Variants in USP24 observed in about 807,000 individuals in gnomAD.
The protein encoded by USP24 is ubiquitin carboxyl-terminal hydrolase 24.
In USP24, 97 loss-of-function variants were observed where a neutral mutation model predicts 361.6. That is an observed-to-expected ratio of 0.27 (90% CI 0.23 to 0.32). The LOEUF (loss-of-function observed/expected upper bound fraction) is 0.32. USP24 is among the 10% of genes least tolerant of loss of function. The probability of loss-of-function intolerance (pLI) is 1.00; values close to 1 mark genes in which losing one functional copy is unlikely to be tolerated. For missense variants in USP24, 2,353 were observed against 3,165.6 expected, an observed-to-expected ratio of 0.74 and a Z score of 6.16; for synonymous variants, 1,098 against 1,124.6, an observed-to-expected ratio of 0.98 and a Z score of 0.47.
At chr1:55,095,114 G>T (rs1172612025) in intron 51 of USP24, 141 bp downstream of exon 51, 19 of 1,024,006 alleles carry the variant, frequency 1.9e-5, no homozygotes, top group Non-Finnish European at 2.4e-5. Context: ...AGCAATAAGG[G>T]ATTTATTTTC....
Position 55,120,681 on chromosome 1 carries a change from G to A in USP24, c.4423C>T (p.Pro1475Ser), listed in dbSNP as rs1431284975. The part of the protein sequence containing the change: ...DTSAHPDVQK[P>S]NQFLLGVILT... ...ATTACGCCTAGAAGAAACTGATTTG[G>A]CTTCTGCACATCTGGATGCGCTGAT... is the stretch of plus-strand genomic sequence containing the variant. The change falls in exon 38 of 68, where the codon CCA becomes TCA. Residue 1475 changes from proline (P) to serine (S), a missense_variant. Physicochemically the swap from Pro to Ser is moderately conservative, Grantham distance 74 (BLOSUM62 -1). This residue lies in a region of USP24 where 949 missense variants were observed against 1,280.5 expected (regional missense o/e 0.74). Coordinates refer to ENST00000294383, the MANE Select transcript of USP24 (RefSeq NM_015306.3). 2.5e-6 allele frequency: 4 copies of A among 1,568,864 alleles called. No individual in the cohort carries two copies. Among genetic ancestry groups the A allele is most frequent in the Non-Finnish European group, 2.6e-6 (3 of 1,155,672 alleles).
intron 40 of USP24, 148 bp downstream of exon 40, chr1:55,107,091 A>G (rs1441310876): frequency 2.3e-6 from 2 of 885,648 alleles, no homozygotes; most frequent in Non-Finnish European, 1.6e-6. Flanking sequence ...TTTGTTAGCC[A>G]CTAAAATAAC....
At chr1:55,122,317 T>C (rs143370722) in intron 36 of USP24, among the ~76,000 whole-genome samples, 4 of 152,240 alleles carry the variant, frequency 2.6e-5, no homozygotes, top group Non-Finnish European at 4.4e-5. Context: ...GAATGTATGC[T>C]GGCTGCTGGG....
intron 1 of USP24, among the ~76,000 whole-genome samples, chr1:55,184,576 C>T (rs1011561282): frequency 1.3e-5 from 2 of 152,008 alleles, no homozygotes; most frequent in Non-Finnish European, 2.9e-5. Flanking sequence ...CACTATAAAC[C>T]AAATAGACCT....
In USP24 at chr1:55,066,972, G is replaced by A. The variant is rs1644834686; in HGVS notation, c.*2073C>T. The A allele has an allele frequency of 6.6e-6, 1 of 152,104 alleles. No individual in the cohort carries two copies. Among genetic ancestry groups the A allele is most frequent in the African/African-American group, 2.4e-5 (1 of 41,396 alleles). 9.4% of individuals were successfully genotyped at this position (152,104 alleles called of 1,614,324 possible). A position where few individuals can be genotyped will look rare whatever the true frequency, so the allele number is the denominator to read the frequency against. ...ATTGACTGTAGCTGTCAGCAATCAA[G>A]TGGTTACCAGCAAAGTGAAAACGAT... On this transcript the variant is annotated 3_prime_UTR_variant, in exon 68 of 68. Transcript: ENST00000294383.
chr1:55,193,274 A>G (rs1413630058), intron 1 of USP24, among the ~76,000 whole-genome samples: 1 of 152,136 alleles, frequency 6.6e-6, no homozygotes, highest in East Asian at 1.9e-4. Flanking sequence ...AAGGGATTTG[A>G]GCATTTCGGT....
chr1:55,106,682 T>TA (rs1323263813), intron 40 of USP24, among the ~76,000 whole-genome samples: 1 of 152,238 alleles, frequency 6.6e-6, no homozygotes, highest in Non-Finnish European at 1.5e-5. Flanking sequence ...TCTCTCTGGT[T>TA]AAGAATCACT....
At chr1:55,206,996 A>G (rs1000016326) in intron 1 of USP24, among the ~76,000 whole-genome samples, 12 of 152,078 alleles carry the variant, frequency 7.9e-5, no homozygotes, top group South Asian at 2.1e-4. Flanking sequence ...GCGAAACCCT[A>G]TATCTACAAA....
Position 55,071,849 on chromosome 1 carries a change from G to A in USP24, c.7765C>T (p.Pro2589Ser). 6 of 1,613,432 alleles carry A rather than the reference G, an allele frequency of 3.7e-6. No homozygotes were observed. Among genetic ancestry groups the A allele is most frequent in the Non-Finnish European group, 5.1e-6 (6 of 1,179,762 alleles). ...SGSSNGSESS[P>S]ANENGDRHLQ... ...TGCCTGTCTCCGTTCTCATTGGCAG[G>A]ACTACTCTCCGACCCATTACTGCTT... Residue 2589 changes from proline to serine, a missense_variant, in exon 67 of 68, where the codon CCT becomes TCT. Pro to Ser is a moderately conservative substitution (Grantham distance 74). Coordinates refer to ENST00000294383, the MANE Select transcript of USP24 (RefSeq NM_015306.3).
At chr1:55,086,733 G>A (rs1160309734) in intron 55 of USP24, among the ~76,000 whole-genome samples, 2 of 152,166 alleles carry the variant, frequency 1.3e-5, no homozygotes, top group Admixed American at 6.5e-5. Flanking sequence ...AAAATTTATT[G>A]TGAAATGATA....
rs909762638 is a variant in USP24 at position 55,124,606 on chromosome 1, G to C, written c.3983C>G (p.Thr1328Ser). ...TCTCATGAAGCAAGCCACAGTAGAAGTGAAATCACTTACTTCCATTGTCTA... is the reference window on the plus strand; with the variant it reads ...TCTCATGAAGCAAGCCACAGTAGAACTGAAATCACTTACTTCCATTGTCTA... Reference protein sequence around the residue: ...AIQTMEVSDFTSTVACFMRLS... With the variant: ...AIQTMEVSDFSSTVACFMRLS... The change falls in exon 35 of 68, where the codon ACT becomes AGT. Residue 1328 changes from threonine (T) to serine (S), a missense_variant. Coordinates refer to ENST00000294383, the MANE Select transcript of USP24 (RefSeq NM_015306.3). 20 of 1,613,828 alleles carry C rather than the reference G, an allele frequency of 1.2e-5. No individual in the cohort carries two copies. Among genetic ancestry groups the C allele is most frequent in the Non-Finnish European group, 1.6e-5 (19 of 1,179,892 alleles).
At chr1:55,097,314 CA>C in intron 48 of USP24, 142 bp from the exon 49 acceptor site, 1 of 1,130,708 alleles carries the variant, frequency 8.8e-7, no homozygotes, top group Non-Finnish European at 1.2e-6. Flanking sequence ...TATAAAATCT[CA>C]GAAATGTTAA....
At chr1:55,168,926 A>G (rs1649170091) in intron 5 of USP24, among the ~76,000 whole-genome samples, 1 of 152,152 alleles carries the variant, frequency 6.6e-6, no homozygotes, top group Non-Finnish European at 1.5e-5. Context: ...ATTAAATGCT[A>G]AGAAATATGA....
chr1:55,110,494 T>C (rs1645917720), intron 38 of USP24, among the ~76,000 whole-genome samples: 1 of 152,302 alleles, frequency 6.6e-6, no homozygotes, highest in African/African-American at 2.4e-5. Flanking sequence ...AAATAATATA[T>C]GCACTGATTG....
chr1:55,176,577 T>C (rs1448866290), intron 2 of USP24, 134 bp from the exon 3 acceptor site: 1 of 765,570 alleles, frequency 1.3e-6, no homozygotes, highest in Non-Finnish European at 2.1e-6. Context: ...TCTAAATCCA[T>C]ACATATGGAA....
At position 55,101,343 on chromosome 1, in the gene USP24, T is replaced by C. The variant is rs565419091; in HGVS notation, c.5145+241A>G. Reference sequence around the variant, plus strand: ...ATGGAATATAATTTAAAAACAACTTTGGAGTTCAAAAATCACATTAGGTCA... The same window carrying C: ...ATGGAATATAATTTAAAAACAACTTCGGAGTTCAAAAATCACATTAGGTCA... On this transcript the variant is annotated intron_variant, in intron 43 of 67. Transcript: ENST00000294383. 2.6e-4 allele frequency among the ~76,000 whole-genome samples: 39 copies of C among 152,328 alleles called. No homozygotes were observed. In the South Asian group the frequency reaches 7.9e-3, roughly 31 times the overall value.
chr1:55,129,005 C>T (rs962302550), intron 32 of USP24, among the ~76,000 whole-genome samples: 1 of 152,146 alleles, frequency 6.6e-6, no homozygotes, highest in Non-Finnish European at 1.5e-5. Context: ...CAGGCATGAA[C>T]CACCATGCCT....
rs372304609 is a variant in USP24 at position 55,138,595 on chromosome 1, A to G, written c.2928+13T>C. The G allele has an allele frequency of 2.9e-4, 450 of 1,574,704 alleles. No individual in the cohort carries two copies. The highest frequency in any genetic ancestry group is 3.6e-4 in the Non-Finnish European group (416 of 1,148,924). ...CAACATGAAAATGGCTGTAGTTCTT[A>G]ATGTAAACCTACCTCGACAGTGAAG... On this transcript the variant is annotated intron_variant, in intron 26 of 67. Transcript: ENST00000294383.
chr1:55,078,470 A>T lies in USP24; in HGVS notation c.7314+68T>A. On this transcript the variant is annotated intron_variant, in intron 61 of 67. Transcript: ENST00000294383. ...GAGAACAAGCATACTGCCTTGGAGC[A>T]AAAAGATGCTCTCCTAGAGTCTCAC... 10 of 1,305,668 alleles carry T rather than the reference A, an allele frequency of 7.7e-6. 1 individual carries two copies. In the South Asian group the frequency reaches 1.5e-4, roughly 19 times the overall value. 80.9% of individuals were successfully genotyped at this position (1,305,668 alleles called of 1,614,324 possible).
Sources: allele counts gnomAD v4.1 joint callset (sites outside exome capture counted in the v4.1 genomes callset), GRCh38; gene constraint gnomAD v4.1.1; regional missense constraint gnomAD v4.1.1; transcripts MANE v1.5; gene names NCBI Gene and HGNC (gene_info 2026-07-23, HGNC 2026-07-21).